Variants in MCM4 observed in about 807,000 individuals in gnomAD.
MCM4 encodes the protein minichromosome maintenance complex component 4.
Under a neutral mutation model 88.7 loss-of-function variants are expected in MCM4, and 60 were observed. The observed-to-expected ratio is 0.68, with a 90% confidence interval of 0.55 to 0.84. The LOEUF is 0.84. Among genes scored for constraint, MCM4 ranks in the 40% least tolerant of loss-of-function variants. The probability of loss-of-function intolerance (pLI) is 0.00; values close to 1 mark genes in which losing one functional copy is unlikely to be tolerated. For synonymous variants in MCM4, 465 were observed against 410.5 expected (o/e 1.13, Z -1.61); for missense variants, 1,149 against 1,105.5 (o/e 1.04, Z -0.56).
chr8:47,961,563 G>A lies in MCM4; in HGVS notation c.118G>A (p.Glu40Lys), dbSNP rs755169604. ...RSSPSQRRRG[E>K]DSTSTGELQP... ...ATCTCCCTCTCAGAGACGTAGAGGCGAGGATTCCACCTCCACGGGGGAGTT... is the reference window on the plus strand; with the variant it reads ...ATCTCCCTCTCAGAGACGTAGAGGCAAGGATTCCACCTCCACGGGGGAGTT... The change falls in exon 3 of 17, where the codon GAG becomes AAG. Residue 40 changes from glutamate to lysine, a missense_variant. Glu to Lys is a moderately conservative substitution (Grantham distance 56, BLOSUM62 1). Coordinates refer to ENST00000649973, the MANE Select transcript of MCM4 (RefSeq NM_182746.3). 2.5e-6 allele frequency: 4 copies of A among 1,614,182 alleles called. No individual in the cohort carries two copies. Among genetic ancestry groups the A allele is most frequent in the Non-Finnish European group, 3.4e-6 (4 of 1,180,036 alleles).
intron 1 of MCM4, 28 bp downstream of exon 1, chr8:47,961,042 G>A: frequency 7.9e-7 from 1 of 1,264,354 alleles, no homozygotes; most frequent in Non-Finnish European, 1.0e-6. Flanking sequence ...GGGAGGGCGT[G>A]GCGCGGAGCC....
intron 8 of MCM4, among the ~76,000 whole-genome samples, chr8:47,965,792 G>A (rs1441284437): frequency 6.6e-6 from 1 of 152,148 alleles, no homozygotes; most frequent in Non-Finnish European, 1.5e-5. Context: ...TTCAGTCCTT[G>A]GCTCTGGGAT....
At chr8:47,962,460 C>A in intron 5 of MCM4, 54 bp downstream of exon 5, 3 of 1,553,040 alleles carry the variant, frequency 1.9e-6, no homozygotes, top group Non-Finnish European at 1.8e-6. Context: ...GTTGGGAGAC[C>A]GTGTTTATAA....
intron 10 of MCM4, among the ~76,000 whole-genome samples, chr8:47,968,338 A>C (rs543316372): frequency 6.6e-6 from 1 of 152,194 alleles, no homozygotes; most frequent in Non-Finnish European, 1.5e-5. Context: ...ATCACTGGCA[A>C]TCTTCCGTCG....
In MCM4 at chr8:47,960,998, G is replaced by C. The variant is rs1233545691; in HGVS notation, c.-31G>C. 2 of 814,556 alleles carry C rather than the reference G, an allele frequency of 2.5e-6. No individual in the cohort carries two copies. Among genetic ancestry groups the C allele is most frequent in the African/African-American group, 1.8e-5 (1 of 54,602 alleles). 50.5% of individuals were successfully genotyped at this position (814,556 alleles called of 1,614,324 possible). On this transcript the variant is annotated 5_prime_UTR_variant, in exon 1 of 17. Transcript: ENST00000649973. ...CGGAGTCCGCGAGCGTCGTCGGCAA[G>C]CGGCCGCCTTTCCACGGTAACCGCG...
rs758494651 is a variant in MCM4 at position 47,963,031 on chromosome 8, T to C, written c.684T>C (p.Ser228=). 1.9e-6 allele frequency: 3 copies of C among 1,583,476 alleles called. No homozygotes were observed. The highest frequency in any genetic ancestry group is 1.7e-4 in the Middle Eastern group (1 of 5,920). Residue 228 remains serine, a synonymous_variant, in exon 7 of 17, where the codon TCT becomes TCC. Coordinates refer to ENST00000649973, the MANE Select transcript of MCM4 (RefSeq NM_182746.3). Reference sequence around the variant, plus strand: ...AAAATTTGTACAGACAACTCATCTCTTACCCACAGGTAAGAATTTAGCTTT... The same window carrying C: ...AAAATTTGTACAGACAACTCATCTCCTACCCACAGGTAAGAATTTAGCTTT... ...FDKNLYRQLI[S]YPQEVIPTFD...
At chr8:47,968,746 C>T (rs1049852205) in intron 10 of MCM4, among the ~76,000 whole-genome samples, 8 of 152,098 alleles carry the variant, frequency 5.3e-5, no homozygotes, top group Non-Finnish European at 7.3e-5. Context: ...TGTGCCATTG[C>T]GTTGAGATAG....
intron 8 of MCM4, among the ~76,000 whole-genome samples, chr8:47,965,584 G>A (rs1323838559): frequency 2.6e-5 from 4 of 152,190 alleles, no homozygotes; most frequent in Non-Finnish European, 5.9e-5. Context: ...AACCAGCAGG[G>A]GAAATTAGTT....
chr8:47,977,993 A>G lies in MCM4; in HGVS notation c.*1215A>G, dbSNP rs1034597618. 6.6e-6 allele frequency: 1 copy of G among 152,204 alleles called. No homozygotes were observed. Among genetic ancestry groups the G allele is most frequent in the African/African-American group, 2.4e-5 (1 of 41,458 alleles). The allele number at this position is 152,204 out of a possible 1,614,324, so 9.4% of individuals were successfully genotyped here. On this transcript the variant is annotated 3_prime_UTR_variant, in exon 17 of 17. Coordinates refer to ENST00000649973, the MANE Select transcript of MCM4 (RefSeq NM_182746.3). ...CTTTACTAACCACTACATTTATGGA[A>G]ATTTGTAGGGGTAAGTATTTTATAG... is the stretch of plus-strand genomic sequence containing the variant.
chr8:47,961,050 G>T lies in MCM4; in HGVS notation c.-15+36G>T. 4.5e-6 allele frequency: 6 copies of T among 1,340,342 alleles called. No homozygotes were observed. The South Asian group carries it at 8.6e-5, about 19-fold the overall frequency. The allele number at this position is 1,340,342 out of a possible 1,614,324, so 83.0% of individuals were successfully genotyped here. On this transcript the variant is annotated intron_variant, in intron 1 of 16. Transcript: ENST00000649973. ...GCCGGCGGGGAGGGCGTGGCGCGGA[G>T]CCGACGGGAACGTCCGCGCTGCGGA...
chr8:47,975,275 C>T (rs1220179914), intron 15 of MCM4: 1 of 234,688 alleles, frequency 4.3e-6, no homozygotes, highest in African/African-American at 2.3e-5. Context: ...GTGTGCTGTA[C>T]CCAGTAACTC....
intron 10 of MCM4, among the ~76,000 whole-genome samples, chr8:47,968,305 C>G (rs971060342): frequency 6.6e-6 from 1 of 152,226 alleles, no homozygotes; most frequent in Non-Finnish European, 1.5e-5. Flanking sequence ...CCTGTTTCTT[C>G]CCCAGTGTGA....
At position 47,977,827 on chromosome 8, in the gene MCM4, G is replaced by A. The variant is rs1247683234; in HGVS notation, c.*1049G>A. On this transcript the variant is annotated 3_prime_UTR_variant, in exon 17 of 17. Transcript: ENST00000649973. ...AGATTTTTTCTCATGGCTACTATTAGATCAGGAATGGGTGATTGGAGATTA... is the reference window on the plus strand; with the variant it reads ...AGATTTTTTCTCATGGCTACTATTAAATCAGGAATGGGTGATTGGAGATTA... 6.6e-6 allele frequency: 1 copy of A among 152,040 alleles called. No individual in the cohort carries two copies. Among genetic ancestry groups the A allele is most frequent in the African/African-American group, 2.4e-5 (1 of 41,390 alleles). 9.4% of individuals were successfully genotyped at this position (152,040 alleles called of 1,614,324 possible).
rs1211150994 is a variant in MCM4, at chr8:47,975,826, A to G, written c.2477A>G (p.Asp826Gly). The change falls in exon 16 of 17, where the codon GAT (aspartate) becomes GGT (glycine). Residue 826 changes from aspartate (D) to glycine (G), a missense_variant. Physicochemically the swap from Asp to Gly is moderately conservative, Grantham distance 94. Transcript: ENST00000649973. ...CTAAAATACCAGCAACTTTTTGAAG[A>G]TATTCGGGGACAATCTGACATAGTA... The part of the protein sequence containing the change: ...PALKYQQLFE[D>G]IRGQSDIAIT... The G allele has an allele frequency of 6.3e-7, 1 of 1,581,864 alleles. No homozygotes were observed. The highest frequency in any genetic ancestry group is 8.6e-7 in the Non-Finnish European group (1 of 1,168,420).
intron 7 of MCM4, among the ~76,000 whole-genome samples, chr8:47,964,230 T>C (rs1244101380): frequency 6.6e-6 from 1 of 152,026 alleles, no homozygotes; most frequent in African/African-American, 2.4e-5. Context: ...CCTCAAAAAT[T>C]AAAAATAAAT....
chr8:47,962,257 CAT>C (rs576868696), intron 4 of MCM4, 41 bp downstream of exon 4: 413 of 1,613,790 alleles, frequency 2.6e-4, no homozygotes, highest in Non-Finnish European at 3.0e-4. Context: ...TGGCGGGTAT[CAT>C]GTGGGTAACT....
intron 8 of MCM4, among the ~76,000 whole-genome samples, chr8:47,965,885 G>A (rs574816434): frequency 4.3e-4 from 66 of 152,296 alleles, no homozygotes; most frequent in Admixed American, 7.2e-4. Context: ...AGGCTGTCTG[G>A]CTTTTTTCCT....
intron 16 of MCM4, among the ~76,000 whole-genome samples, chr8:47,976,055 C>T (rs756735948): frequency 7.2e-5 from 11 of 151,992 alleles, no homozygotes; most frequent in East Asian, 1.9e-4. Context: ...TCATTTGGGA[C>T]GCTGAGGTGG....
chr8:47,961,433 C>G lies in MCM4; in HGVS notation c.71-83C>G, dbSNP rs576248398. ...TGTTTGGTTTGGTTCAGTGGTGAGT[C>G]ATAATGCCCCAAGGAAAAGACAAAT... On this transcript the variant is annotated intron_variant, in intron 2 of 16. Coordinates refer to ENST00000649973, the MANE Select transcript of MCM4 (RefSeq NM_182746.3). 7.5e-6 allele frequency: 12 copies of G among 1,608,060 alleles called. No individual in the cohort carries two copies. In the South Asian group the frequency reaches 7.7e-5, roughly 10 times the overall value.
Sources: allele counts gnomAD v4.1 joint callset (sites outside exome capture counted in the v4.1 genomes callset), GRCh38; gene constraint gnomAD v4.1.1; transcripts MANE v1.5; gene names NCBI Gene and HGNC (gene_info 2026-07-23, HGNC 2026-07-21).